The following PRKCA variants were observed in gnomAD, a reference collection of about 807,000 sequenced individuals.
PRKCA encodes protein kinase C alpha.
A neutral mutation model predicts 87.0 loss-of-function variants in PRKCA; 27 were observed. That is an observed-to-expected ratio of 0.31 (90% CI 0.23 to 0.43). The LOEUF (loss-of-function observed/expected upper bound fraction) is 0.43. PRKCA is among the 20% of genes least tolerant of loss of function. The probability of loss-of-function intolerance (pLI) is 1.00; values close to 1 mark genes in which losing one functional copy is unlikely to be tolerated. For missense variants in PRKCA, 518 were observed against 852.3 expected (o/e 0.61, Z 4.88); for synonymous variants, 329 against 311.1 (o/e 1.06, Z -0.61).
chr17:66,698,419 A>G (rs1476274500), intron 8 of PRKCA, among the ~76,000 whole-genome samples: 2 of 152,038 alleles, frequency 1.3e-5, no homozygotes, highest in African/African-American at 4.8e-5. Flanking sequence ...AGAACCAAAC[A>G]GAAATTTTGG....
chr17:66,805,942 T>C lies in PRKCA; in HGVS notation c.*1905T>C, dbSNP rs1398427435. On this transcript the variant is annotated 3_prime_UTR_variant, in exon 17 of 17. Transcript: ENST00000413366. The stretch of plus-strand genomic sequence containing the variant: ...GCTGCCTCTGCAACGACCTGTCGTT[T>C]GCTCCAGCATGCACAAACTTCGTGA... 1 of 152,284 alleles carries C rather than the reference T, an allele frequency of 6.6e-6. No homozygotes were observed. Among genetic ancestry groups the C allele is most frequent in the Non-Finnish European group, 1.5e-5 (1 of 68,058 alleles). 9.4% of individuals were successfully genotyped at this position (152,284 alleles called of 1,614,324 possible).
At position 66,457,321 on chromosome 17, in the gene PRKCA, G is replaced by C. The variant is rs948269146; in HGVS notation, c.206-38880G>C. On this transcript the variant is annotated intron_variant, in intron 2 of 16. Transcript: ENST00000413366. ...GCATTTGGGGTGAAGAGATGTGTGGGGTTTCTTAGTGTAGGGGATGGTCGT... is the reference window on the plus strand; with the variant it reads ...GCATTTGGGGTGAAGAGATGTGTGGCGTTTCTTAGTGTAGGGGATGGTCGT... Among the ~76,000 whole-genome samples, 3 of 152,016 alleles carry C rather than the reference G, an allele frequency of 2.0e-5. No individual in the cohort carries two copies. In the South Asian group the frequency reaches 6.2e-4, roughly 32 times the overall value.
At chr17:66,398,593 G>A (rs2143672883) in intron 2 of PRKCA, among the ~76,000 whole-genome samples, 1 of 152,294 alleles carries the variant, frequency 6.6e-6, no homozygotes, top group South Asian at 2.1e-4. Context: ...GCTGTGAGGA[G>A]TGTGGTTTAA....
chr17:66,495,557 A>ATTTT (rs1380713571), intron 2 of PRKCA, among the ~76,000 whole-genome samples: 1 of 144,950 alleles, frequency 6.9e-6, no homozygotes, highest in African/African-American at 2.8e-5. Flanking sequence ...ATTTTATTTT[A>ATTTT]TTTTATTTTT....
At chr17:66,577,387 T>C (rs1028506025) in intron 3 of PRKCA, among the ~76,000 whole-genome samples, 4 of 152,068 alleles carry the variant, frequency 2.6e-5, no homozygotes, top group Non-Finnish European at 5.9e-5. Context: ...CTTTCCAGAG[T>C]AGAATAAGCA....
At chr17:66,648,321 G>A (rs1443066205) in intron 5 of PRKCA, among the ~76,000 whole-genome samples, 2 of 152,194 alleles carry the variant, frequency 1.3e-5, no homozygotes, top group African/African-American at 4.8e-5. Context: ...AATAGTAGCA[G>A]CAGCTCACAG....
At chr17:66,511,060 A>AT (rs59846176) in intron 3 of PRKCA, among the ~76,000 whole-genome samples, 6,119 of 151,936 alleles carry the variant, frequency 0.04, 419 homozygotes, top group African/African-American at 0.14. Flanking sequence ...TAGGTGAGGC[A>AT]TTTTTTTTCG....
chr17:66,575,658 G>A (rs2143423892), intron 3 of PRKCA, among the ~76,000 whole-genome samples: 1 of 152,234 alleles, frequency 6.6e-6, no homozygotes, highest in Middle Eastern at 3.4e-3. Context: ...ATTGAAACTG[G>A]AAAACAAAAC....
intron 2 of PRKCA, among the ~76,000 whole-genome samples, chr17:66,435,435 G>A (rs928042510): frequency 3.9e-5 from 6 of 152,212 alleles, no homozygotes; most frequent in Admixed American, 3.9e-4. Context: ...GGGTGTGATG[G>A]TGCTTGTGTG....
At chr17:66,532,855 G>T (rs1191788213) in intron 3 of PRKCA, among the ~76,000 whole-genome samples, 5 of 152,140 alleles carry the variant, frequency 3.3e-5, no homozygotes, top group Non-Finnish European at 5.9e-5. Context: ...TTTCTTCAGG[G>T]GTTTATTCCC....
chr17:66,567,699 A>G (rs1968944310), intron 3 of PRKCA, among the ~76,000 whole-genome samples: 1 of 152,228 alleles, frequency 6.6e-6, no homozygotes, highest in South Asian at 2.1e-4. Flanking sequence ...CATCACAAAG[A>G]GGCTGAAAAT....
rs556875915 is a variant in PRKCA at position 66,326,977 on chromosome 17, G to A, written c.205+20850G>A. Reference sequence around the variant, plus strand: ...CAGCTACTCAGGAGGCCAAGATGGGGGGAATCACTTGAGCCCTGGAGTTGA... The same window carrying A: ...CAGCTACTCAGGAGGCCAAGATGGGAGGAATCACTTGAGCCCTGGAGTTGA... On this transcript the variant is annotated intron_variant, in intron 2 of 16. Transcript: ENST00000413366. 1.3e-4 allele frequency among the ~76,000 whole-genome samples: 20 copies of A among 152,222 alleles called. No individual in the cohort carries two copies. The East Asian group carries it at 1.9e-3, about 15-fold the overall frequency.
intron 8 of PRKCA, among the ~76,000 whole-genome samples, chr17:66,716,182 C>G (rs937879095): frequency 3.3e-5 from 5 of 151,886 alleles, no homozygotes; most frequent in Non-Finnish European, 5.9e-5. Context: ...GAGAATTACC[C>G]ACTTCGAAGC....
At chr17:66,483,964 G>A (rs80330512) in intron 2 of PRKCA, among the ~76,000 whole-genome samples, 6,544 of 152,140 alleles carry the variant, frequency 0.043, 213 homozygotes, top group Admixed American at 0.11. Flanking sequence ...CTGATAAAGA[G>A]ATACCCGAGA....
rs914563503 is a variant in PRKCA, at chr17:66,778,495, G to A, written c.1605+4428G>A. Among the ~76,000 whole-genome samples the A allele has an allele frequency of 3.3e-5, 5 of 152,200 alleles. No homozygotes were observed. The East Asian group carries it at 5.8e-4, about 18-fold the overall frequency. On this transcript the variant is annotated intron_variant, in intron 14 of 16. Coordinates refer to ENST00000413366, the MANE Select transcript of PRKCA (RefSeq NM_002737.3). ...CGCGCCACTGCACTGCAGCCTGGGC[G>A]ACAGAGCGAGACTCCATCTCAAAAA...
chr17:66,548,445 C>A (rs56331109), intron 3 of PRKCA, among the ~76,000 whole-genome samples: 1,907 of 152,208 alleles, frequency 0.013, 12 homozygotes, highest in South Asian at 0.037. Flanking sequence ...CTAAAGGACA[C>A]GTCCTCTAAC....
intron 3 of PRKCA, among the ~76,000 whole-genome samples, chr17:66,527,588 C>T (rs1057269320): frequency 2.6e-5 from 4 of 152,214 alleles, no homozygotes; most frequent in East Asian, 1.9e-4. Flanking sequence ...TGAGAAATGC[C>T]GCAGACCTTT....
chr17:66,595,776 T>C (rs1388302012), intron 3 of PRKCA, among the ~76,000 whole-genome samples: 1 of 152,180 alleles, frequency 6.6e-6, no homozygotes, highest in African/African-American at 2.4e-5. Context: ...TCAAATAAAG[T>C]CACATTCACA....
intron 2 of PRKCA, chr17:66,339,736 T>C (rs1906924255): frequency 6.6e-6 from 1 of 152,190 alleles, no homozygotes; most frequent in Admixed American, 6.5e-5. Context: ...GACCTTTAAA[T>C]AGAAGCTGTT....
Sources: gnomAD v4.1 joint callset for allele counts (sites outside exome capture counted in the v4.1 genomes callset) on GRCh38, gnomAD v4.1.1 for gene constraint, MANE v1.5 for transcripts, NCBI Gene and HGNC (gene_info 2026-07-23, HGNC 2026-07-21) for gene names.